DMD: variants seen among roughly 807,000 people sequenced by gnomAD.
The protein encoded by DMD is dystrophin.
In DMD, 63 loss-of-function variants were observed where a neutral mutation model predicts 330.1. That is an observed-to-expected ratio of 0.19 (90% CI 0.16 to 0.24). DMD has a LOEUF of 0.24. Among genes scored for constraint, DMD ranks in the 10% least tolerant of loss-of-function variants. The pLI is 1.00. For synonymous variants in DMD, 1,223 were observed against 959.8 expected (o/e 1.27, Z -5.07); for missense variants, 3,344 against 2,684.1 (o/e 1.25, Z -5.43).
intron 2 of DMD, among the ~76,000 whole-genome samples, chrX:32,984,303 G>A (rs1319316119): frequency 8.9e-6 from 1 of 112,447 alleles, no homozygotes; most frequent in Non-Finnish European, 1.9e-5. Flanking sequence ...TCCCCAGGCT[G>A]GAGCGCAATG....
intron 41 of DMD, among the ~76,000 whole-genome samples, chrX:32,327,973 T>C (rs1325668274): frequency 8.9e-6 from 1 of 111,815 alleles, no homozygotes; most frequent in Non-Finnish European, 1.9e-5. Context: ...AATACAAATT[T>C]AATTGGCTTA....
intron 12 of DMD, among the ~76,000 whole-genome samples, chrX:32,607,356 A>G (rs1381063438): frequency 1.8e-5 from 2 of 110,567 alleles, no homozygotes; most frequent in African/African-American, 3.3e-5. Flanking sequence ...TAATCACATT[A>G]TATTTCCATT....
At chrX:33,243,702 C>T (rs968291341) in intron 1 of DMD, among the ~76,000 whole-genome samples, 1 of 112,006 alleles carries the variant, frequency 8.9e-6, no homozygotes, top group African/African-American at 3.2e-5. Flanking sequence ...CATTATTTAG[C>T]CACAAAAGGA....
chrX:32,757,803 C>G (rs944711763), intron 7 of DMD, among the ~76,000 whole-genome samples: 1 of 111,599 alleles, frequency 9.0e-6, no homozygotes, highest in Admixed American at 9.5e-5. Context: ...CAGACTAATA[C>G]AGATTCCTTT....
At chrX:33,317,738 G>C (rs1449883221) in intron 1 of DMD, among the ~76,000 whole-genome samples, 2 of 111,557 alleles carry the variant, frequency 1.8e-5, no homozygotes, top group East Asian at 5.6e-4. Flanking sequence ...TGCAGACATA[G>C]TGCTTAATAG....
chrX:33,007,670 G>A (rs1210984243), intron 2 of DMD, among the ~76,000 whole-genome samples: 1 of 111,088 alleles, frequency 9.0e-6, no homozygotes, highest in Non-Finnish European at 1.9e-5. Flanking sequence ...ATGATTAAAG[G>A]GACTTGATCT....
At chrX:31,833,890 C>A (rs751707436) in intron 49 of DMD, among the ~76,000 whole-genome samples, 3 of 111,229 alleles carry the variant, frequency 2.7e-5, no homozygotes, top group Non-Finnish European at 5.7e-5. Flanking sequence ...GCATATACAT[C>A]GTGAGAGATT....
intron 34 of DMD, among the ~76,000 whole-genome samples, chrX:32,378,304 A>G (rs2147436920): frequency 9.1e-6 from 1 of 109,718 alleles, no homozygotes; most frequent in South Asian, 3.8e-4. Flanking sequence ...TTTATTATTT[A>G]TCTACTATAA....
intron 62 of DMD, among the ~76,000 whole-genome samples, chrX:31,321,489 C>T (rs1315969343): frequency 3.0e-5 from 3 of 98,976 alleles, no homozygotes; most frequent in Non-Finnish European, 4.0e-5. Context: ...GGAGCTAAGA[C>T]GAAAGAATTG....
intron 1 of DMD, among the ~76,000 whole-genome samples, chrX:33,283,983 A>T (rs1164205904): frequency 2.7e-5 from 3 of 111,135 alleles, no homozygotes; most frequent in African/African-American, 6.5e-5. Context: ...GCGCCACTGC[A>T]CTCCAGCCTG....
At position 32,773,809 on chromosome X, in the gene DMD, G is replaced by GT. The variant is rs778241323; in HGVS notation, c.649+35683dup. On this transcript the variant is annotated intron_variant, in intron 7 of 78. Coordinates refer to ENST00000357033, the MANE Select transcript of DMD (RefSeq NM_004006.3). The stretch of plus-strand genomic sequence containing the variant: ...TTTCAATACTATATTTTCTGAACAT[G>GT]TTTTTTAAAATCTACATCTGGCATC... Among the ~76,000 whole-genome samples, 774 of 111,349 alleles carry GT rather than the reference G, an allele frequency of 7.0e-3. 10 individuals are homozygous for GT. Among genetic ancestry groups the GT allele is most frequent in the African/African-American group, 0.024 (730 of 30,698 alleles).
chrX:31,378,351 C>CCT (rs2059989213), intron 60 of DMD, among the ~76,000 whole-genome samples: 1 of 111,025 alleles, frequency 9.0e-6, no homozygotes, highest in African/African-American at 3.3e-5. Context: ...TCTCCTCCAA[C>CCT]CTCTCACTAT....
At chrX:31,879,923 C>T (rs1319003406) in intron 47 of DMD, among the ~76,000 whole-genome samples, 1 of 112,058 alleles carries the variant, frequency 8.9e-6, no homozygotes, top group East Asian at 2.8e-4. Context: ...TTCTAATAAT[C>T]CTTTTATGTA....
intron 7 of DMD, among the ~76,000 whole-genome samples, chrX:32,712,270 T>C (rs2065256997): frequency 9.0e-6 from 1 of 111,336 alleles, no homozygotes; most frequent in Admixed American, 9.7e-5. Flanking sequence ...TTATGGTGCC[T>C]ATAGTCCAAT....
chrX:32,885,602 C>T (rs2084442241), intron 2 of DMD, among the ~76,000 whole-genome samples: 1 of 111,018 alleles, frequency 9.0e-6, no homozygotes, highest in Admixed American at 9.6e-5. Flanking sequence ...GATTAGCCTG[C>T]TTTTAAAAAT....
At chrX:32,622,765 C>G (rs748269951) in intron 11 of DMD, among the ~76,000 whole-genome samples, 2 of 110,841 alleles carry the variant, frequency 1.8e-5, no homozygotes, top group South Asian at 3.9e-4. Flanking sequence ...GGATTTGGTG[C>G]CCCCCGGGGT....
chrX:33,018,331 G>T (rs979265863), intron 2 of DMD, among the ~76,000 whole-genome samples: 22 of 111,197 alleles, frequency 2.0e-4, no homozygotes, highest in African/African-American at 6.8e-4. Context: ...CAAATATTTT[G>T]GAAGAAAACA....
At chrX:32,909,171 A>G (rs917422730) in intron 2 of DMD, among the ~76,000 whole-genome samples, 10 of 107,820 alleles carry the variant, frequency 9.3e-5, no homozygotes, top group Non-Finnish European at 1.9e-4. Context: ...AAAAAAAAAA[A>G]AAGTAACCTG....
At position 32,280,967 on chromosome X, in the gene DMD, G is replaced by T. The variant is rs142383939; in HGVS notation, c.6290+6562C>A. ...ACTGTCTGAATACAGAGACGATTAGGGACTTTCTCTTCGAATCTGATTTAT... is the reference window on the plus strand; with the variant it reads ...ACTGTCTGAATACAGAGACGATTAGTGACTTTCTCTTCGAATCTGATTTAT... On this transcript the variant is annotated intron_variant, in intron 43 of 78. Coordinates refer to ENST00000357033, the MANE Select transcript of DMD (RefSeq NM_004006.3). Among the ~76,000 whole-genome samples the T allele has an allele frequency of 6.5e-3, 729 of 112,030 alleles. 7 individuals carry two copies. In the South Asian group the frequency reaches 0.088, roughly 13 times the overall value.
Sources: gnomAD v4.1 joint callset for allele counts (sites outside exome capture counted in the v4.1 genomes callset) on GRCh38, gnomAD v4.1.1 for gene constraint, MANE v1.5 for transcripts, NCBI Gene and HGNC (gene_info 2026-07-23, HGNC 2026-07-21) for gene names.